The following NELL2 variants were observed in gnomAD, a reference collection of about 807,000 sequenced individuals.
NELL2 encodes the protein protein kinase C-binding protein NELL2.
A neutral mutation model predicts 109.6 loss-of-function variants in NELL2; 41 were observed. The ratio of observed to expected loss-of-function variants is 0.37; its 90% confidence interval spans 0.29 to 0.49. The LOEUF is 0.49. Ranked by LOEUF, NELL2 falls within the 20% of genes least tolerant of loss-of-function variation. The pLI is 0.98. For missense variants in NELL2, 900 were observed against 1,008.3 expected, an observed-to-expected ratio of 0.89 and a Z score of 1.45; for synonymous variants, 355 against 344.7, an observed-to-expected ratio of 1.03 and a Z score of -0.33.
chr12:44,609,579 A>G (rs973916106), intron 14 of NELL2, among the ~76,000 whole-genome samples: 7 of 152,122 alleles, frequency 4.6e-5, no homozygotes, highest in Non-Finnish European at 1.5e-5. Context: ...TTTACATTCT[A>G]AAAGTCTAGC....
chr12:44,649,919 T>C (rs552330016), intron 13 of NELL2, among the ~76,000 whole-genome samples: 29 of 152,234 alleles, frequency 1.9e-4, no homozygotes, highest in African/African-American at 6.7e-4. Flanking sequence ...AAATTCTGCA[T>C]AGGAATGTGG....
chr12:44,626,559 A>T (rs1481547696), intron 13 of NELL2, among the ~76,000 whole-genome samples: 1 of 152,186 alleles, frequency 6.6e-6, no homozygotes, highest in Non-Finnish European at 1.5e-5. Context: ...TGTCTTCCTC[A>T]TTCAAATAAA....
chr12:44,794,050 C>T (rs896690517), intron 3 of NELL2, among the ~76,000 whole-genome samples: 2 of 152,100 alleles, frequency 1.3e-5, no homozygotes, highest in Non-Finnish European at 1.5e-5. Context: ...AGCCCTGGCT[C>T]CCCCCGTTGT....
chr12:44,766,314 G>C lies in NELL2; in HGVS notation c.994+8433C>G, dbSNP rs900954767. ...CCATTGGAGAGGCCAGTGCAGCTGG[G>C]TTGTTGTTTTGTACGTTTGGTTGAG... is the stretch of plus-strand genomic sequence containing the variant. On this transcript the variant is annotated intron_variant, in intron 9 of 19. Coordinates refer to ENST00000429094, the MANE Select transcript of NELL2 (RefSeq NM_001145108.2). Among the ~76,000 whole-genome samples the C allele has an allele frequency of 3.9e-5, 6 of 152,282 alleles. No homozygotes were observed. The East Asian group carries it at 1.2e-3, about 29-fold the overall frequency.
In NELL2 at chr12:44,682,046, T is replaced by G. The variant is rs1191395577; in HGVS notation, c.1319-16437A>C. On this transcript the variant is annotated intron_variant, in intron 12 of 19. Transcript: ENST00000429094. ...TACAGTCCCACCAACAGTGTAAAAG[T>G]GTTCCTATTTCTCCACATCCTCTCC... Among the ~76,000 whole-genome samples the G allele has an allele frequency of 9.7e-3, 1,461 of 150,320 alleles. 31 individuals carry two copies. The highest frequency in any genetic ancestry group is 0.035 in the African/African-American group (1,390 of 39,692).
chr12:44,676,105 A>G (rs935973590), intron 12 of NELL2, among the ~76,000 whole-genome samples: 1 of 152,200 alleles, frequency 6.6e-6, no homozygotes, highest in African/African-American at 2.4e-5. Context: ...AAAATCTTGA[A>G]GTCATGCAGC....
At chr12:44,720,816 AT>A (rs1938731126) in intron 9 of NELL2, among the ~76,000 whole-genome samples, 1 of 152,152 alleles carries the variant, frequency 6.6e-6, no homozygotes, top group South Asian at 2.1e-4. Flanking sequence ...TGAGATCTTG[AT>A]AGTAGTTATG....
At chr12:44,699,702 T>G (rs1194099951) in intron 12 of NELL2, among the ~76,000 whole-genome samples, 1 of 152,150 alleles carries the variant, frequency 6.6e-6, no homozygotes, top group African/African-American at 2.4e-5. Context: ...GTCCTCAATG[T>G]CATCTGTGAG....
intron 12 of NELL2, among the ~76,000 whole-genome samples, chr12:44,683,701 T>C (rs543884309): frequency 0.058 from 8,838 of 152,106 alleles, 831 homozygotes; most frequent in African/African-American, 0.2. Context: ...TCTTTGGTTC[T>C]GTTTATATGC....
chr12:44,736,971 T>G (rs887911202), intron 9 of NELL2, among the ~76,000 whole-genome samples: 1 of 152,088 alleles, frequency 6.6e-6, no homozygotes, highest in Non-Finnish European at 1.5e-5. Context: ...TATTCTCGTA[T>G]TTGTTTACTC....
rs149156444 is a variant in NELL2, at chr12:44,766,590, T to C, written c.994+8157A>G. On this transcript the variant is annotated intron_variant, in intron 9 of 19. Coordinates refer to ENST00000429094, the MANE Select transcript of NELL2 (RefSeq NM_001145108.2). ...ACAGCACTGGAGATAAAAAGTTGCATTTTCTGCCTAGGTTGAGTGTTTTTC... is the reference window on the plus strand; with the variant it reads ...ACAGCACTGGAGATAAAAAGTTGCACTTTCTGCCTAGGTTGAGTGTTTTTC... Among the ~76,000 whole-genome samples, 151 of 152,290 alleles carry C rather than the reference T, an allele frequency of 9.9e-4. 1 individual carries two copies. Among genetic ancestry groups the C allele is most frequent in the South Asian group, 9.1e-3 (44 of 4,828 alleles).
chr12:44,672,148 A>T (rs1376886571), intron 12 of NELL2, among the ~76,000 whole-genome samples: 1 of 152,214 alleles, frequency 6.6e-6, no homozygotes, highest in Non-Finnish European at 1.5e-5. Flanking sequence ...ACATTAGGCA[A>T]CATAACTCTC....
intron 13 of NELL2, among the ~76,000 whole-genome samples, chr12:44,641,639 T>C (rs1861944491): frequency 6.6e-6 from 1 of 151,310 alleles, no homozygotes; most frequent in Admixed American, 6.6e-5. Context: ...TAGTCAGTCA[T>C]AGTCCTGAGT....
In NELL2 at chr12:44,779,994, G is replaced by A. The variant is rs138201147; in HGVS notation, c.364C>T (p.Arg122Trp). ...RYLELESSGHRNEVRLHYRSG... is the reference protein window; with the variant it reads ...RYLELESSGHWNEVRLHYRSG... The stretch of plus-strand genomic sequence containing the variant: ...CGGTAATGCAGTCTGACTTCATTCC[G>A]ATGGCCACTACTTTCCAGTTCCAGG... The change falls in exon 4 of 20, where the codon CGG becomes TGG. Residue 122 changes from arginine to tryptophan, a missense_variant. Arg to Trp is a moderately radical substitution (Grantham distance 101). Coordinates refer to ENST00000429094, the MANE Select transcript of NELL2 (RefSeq NM_001145108.2). 2.0e-5 allele frequency: 33 copies of A among 1,613,682 alleles called. No homozygotes were observed. The East Asian group carries it at 4.9e-4, about 24-fold the overall frequency.
chr12:44,682,887 G>C (rs1375501266), intron 12 of NELL2, among the ~76,000 whole-genome samples: 2 of 152,154 alleles, frequency 1.3e-5, no homozygotes, highest in African/African-American at 4.8e-5. Flanking sequence ...GCTTAGGATT[G>C]ACATGGCAAT....
At chr12:44,620,116 G>GTT (rs1278589620) in intron 13 of NELL2, among the ~76,000 whole-genome samples, 1 of 131,346 alleles carries the variant, frequency 7.6e-6, no homozygotes, top group South Asian at 2.5e-4. Flanking sequence ...GTTCGCCTGG[G>GTT]TTTTGTTTTT....
At position 44,829,702 on chromosome 12, in the gene NELL2, TAAC is replaced by T. The variant is rs147200800; in HGVS notation, c.185-13569_185-13567del. ...TTACTGTATGAAGTAGTGCTTAAAT[TAAC>T]AAAGTATTCTCCTTAGCATTAAAGT... On this transcript the variant is annotated intron_variant, in intron 2 of 19. Coordinates refer to ENST00000429094, the MANE Select transcript of NELL2 (RefSeq NM_001145108.2). Among the ~76,000 whole-genome samples, 2,052 of 152,284 alleles carry T rather than the reference TAAC, an allele frequency of 0.013. 105 individuals carry two copies. The East Asian group carries it at 0.19, about 14-fold the overall frequency.
At chr12:44,813,791 T>G (rs1943250969) in intron 3 of NELL2, among the ~76,000 whole-genome samples, 1 of 152,072 alleles carries the variant, frequency 6.6e-6, no homozygotes, top group African/African-American at 2.4e-5. Context: ...TTCTATAATC[T>G]AAAACAATAA....
chr12:44,628,394 G>A (rs1380582570), intron 13 of NELL2, among the ~76,000 whole-genome samples: 1 of 152,150 alleles, frequency 6.6e-6, no homozygotes. Context: ...CTACTGCACT[G>A]AAACACAATC....
Sources: allele counts gnomAD v4.1 joint callset (sites outside exome capture counted in the v4.1 genomes callset), GRCh38; gene constraint gnomAD v4.1.1; transcripts MANE v1.5; gene names NCBI Gene and HGNC (gene_info 2026-07-23, HGNC 2026-07-21).